The following ACD variants were observed in gnomAD, a reference collection of about 807,000 sequenced individuals.
ACD encodes ACD shelterin complex subunit and telomerase recruitment factor, also known as adrenocortical dysplasia protein homolog.
ACD carries 39 observed loss-of-function variants against 53.9 expected under a neutral mutation model. The ratio of observed to expected loss-of-function variants is 0.72; its 90% CI spans 0.56 to 0.95. The LOEUF (loss-of-function observed/expected upper bound fraction) is 0.95. ACD is among the 40% of genes least tolerant of loss of function. The pLI is 0.00. For synonymous variants in ACD, 273 were observed against 249.2 expected (o/e 1.10, Z -0.90); for missense variants, 526 against 587.9 (o/e 0.89, Z 1.09).
In ACD at chr16:67,659,357, G is replaced by A; in HGVS notation, c.458+18C>T. ...TCACCAAACAACACGTGGCCCCCGA[G>A]CCCAACCCCAGACTCACTCAAGGCA... On this transcript the variant is annotated intron_variant, in intron 5 of 11. Coordinates refer to ENST00000620761, the MANE Select transcript of ACD (RefSeq NM_001082486.2). 2 of 1,614,068 alleles carry A rather than the reference G, an allele frequency of 1.2e-6. No individual in the cohort carries two copies. Among genetic ancestry groups the A allele is most frequent in the Non-Finnish European group, 8.5e-7 (1 of 1,180,016 alleles).
rs780842633 is a variant in ACD, at chr16:67,659,336, C to T, written c.458+39G>A. 6.8e-6 allele frequency: 11 copies of T among 1,613,952 alleles called. No homozygotes were observed. The African/African-American group carries it at 1.1e-4, about 16-fold the overall frequency. Reference sequence around the variant, plus strand: ...CTACCTAGATACACCATCCCCTCACCAAACAACACGTGGCCCCCGAGCCCA... The same window carrying T: ...CTACCTAGATACACCATCCCCTCACTAAACAACACGTGGCCCCCGAGCCCA... On this transcript the variant is annotated intron_variant, in intron 5 of 11. Transcript: ENST00000620761.
rs1257437432 is a variant in ACD at position 67,659,406 on chromosome 16, C to A, written c.427G>T (p.Asp143Tyr). 9.3e-6 allele frequency: 15 copies of A among 1,613,962 alleles called. No homozygotes were observed. The highest frequency in any genetic ancestry group is 1.3e-5 in the Non-Finnish European group (15 of 1,180,032). ...CAGTCATAGAGCTTTTTCTGAACAT[C>A]TAAGTCTTGGTTGCTAAGAAAAAGA... ...LRVPGCNQDL[D>Y]VQKKLYDCLE... The change falls in exon 5 of 12, where the codon GAT becomes TAT. Residue 143 changes from aspartate (D) to tyrosine (Y), a missense_variant. Physicochemically the swap from Asp to Tyr is radical, Grantham distance 160. Transcript: ENST00000620761.
At chr16:67,658,687 AG>A in intron 8 of ACD, 32 bp downstream of exon 8, 2 of 1,595,062 alleles carry the variant, frequency 1.3e-6, no homozygotes, top group Non-Finnish European at 1.7e-6. Flanking sequence ...CCTGGGCCCC[AG>A]GTATCCCCCC....
Position 67,657,855 on chromosome 16 carries a change from T to C in ACD, c.1207-2A>G. The C allele has an allele frequency of 6.2e-7, 1 of 1,614,004 alleles. No individual in the cohort carries two copies. Among genetic ancestry groups the C allele is most frequent in the Non-Finnish European group, 8.5e-7 (1 of 1,180,008 alleles). On this transcript the variant is annotated splice_acceptor_variant, in intron 10 of 11. Coordinates refer to ENST00000620761, the MANE Select transcript of ACD (RefSeq NM_001082486.2). LOFTEE classifies it high-confidence loss of function. The surrounding 1 kb of genome is among the most constrained non-coding windows in gnomAD (Gnocchi z 4.5). ...ATCACGATGCCTCTTTGGGGGTTCC[T>C]GAAAGGGGTATGGTGTCTGGGGAAG...
rs1368703801 is a variant in ACD at position 67,659,519 on chromosome 16, G to C, written c.413+18C>G. On this transcript the variant is annotated intron_variant, in intron 4 of 11. Coordinates refer to ENST00000620761, the MANE Select transcript of ACD (RefSeq NM_001082486.2). ...GCTGGGGTGGGGAGAGCTGCTGGAGGGCGGAGGCATCACTTACCAACCAGG... is the reference window on the plus strand; with the variant it reads ...GCTGGGGTGGGGAGAGCTGCTGGAGCGCGGAGGCATCACTTACCAACCAGG... The C allele has an allele frequency of 3.7e-6, 6 of 1,613,238 alleles. No individual in the cohort carries two copies. Among genetic ancestry groups the C allele is most frequent in the Non-Finnish European group, 5.1e-6 (6 of 1,179,438 alleles).
In ACD at chr16:67,659,987, T is replaced by C; in HGVS notation, c.158A>G (p.Asp53Gly). The change falls in exon 2 of 12, where the codon GAC becomes GGC. Residue 53 changes from aspartate (D) to glycine (G), a missense_variant. By Grantham distance (94) the Asp-to-Gly change is moderately conservative. Transcript: ENST00000620761. Reference sequence around the variant, plus strand: ...AGACACAAGCAGCGTGGCCCCGACGTCGGACGTATCAGGGGCGTGGGATGG... The same window carrying C: ...AGACACAAGCAGCGTGGCCCCGACGCCGGACGTATCAGGGGCGTGGGATGG... ...AGPSHAPDTS[D>G]VGATLLVSDG... 1 of 1,609,044 alleles carries C rather than the reference T, an allele frequency of 6.2e-7. No homozygotes were observed. Among genetic ancestry groups the C allele is most frequent in the Non-Finnish European group, 8.5e-7 (1 of 1,178,982 alleles).
At position 67,657,896 on chromosome 16, in the gene ACD, C is replaced by T. The variant is rs1209338491; in HGVS notation, c.1207-43G>A. 3 of 1,613,286 alleles carry T rather than the reference C, an allele frequency of 1.9e-6. No homozygotes were observed. Among genetic ancestry groups the T allele is most frequent in the Non-Finnish European group, 2.5e-6 (3 of 1,179,648 alleles). ...TCTGGGGAAGAGCTAACAAGGACCC[C>T]AACCCCATCCAAGGCTACCCATGCT... On this transcript the variant is annotated intron_variant, in intron 10 of 11. Coordinates refer to ENST00000620761, the MANE Select transcript of ACD (RefSeq NM_001082486.2). This position sits in a 1 kb window ranked among gnomAD's most constrained non-coding sequence, Gnocchi z 4.5.
At position 67,659,708 on chromosome 16, in the gene ACD, G is replaced by T. The variant is rs1214995325; in HGVS notation, c.330C>A (p.Gly110=). ...AGGCAGTCTCACCACTCACCGCGCC[G>T]CCCTCAGCGACCTGGACATGAACCC... ...DCGVHVQVAE[G]GAPAEFYLQV... is the part of the protein sequence containing the mutation. Residue 110 remains glycine, a synonymous_variant, in exon 3 of 12, where the codon GGC becomes GGA. Transcript: ENST00000620761. The T allele has an allele frequency of 6.2e-6, 10 of 1,613,178 alleles. 1 individual carries two copies. In the African/African-American group the frequency reaches 6.7e-5, roughly 11 times the overall value.
chr16:67,660,069 T>C (rs761136320), intron 1 of ACD, 24 bp from the exon 2 acceptor site: 1 of 1,609,736 alleles, frequency 6.2e-7, no homozygotes, highest in East Asian at 2.2e-5. Flanking sequence ...GCGGCGTCAA[T>C]CCCACCACCC....
chr16:67,660,111 T>TGG lies in ACD; in HGVS notation c.99+9_99+10dup. The TGG allele has an allele frequency of 8.1e-6, 13 of 1,612,356 alleles. No individual in the cohort carries two copies. Among genetic ancestry groups the TGG allele is most frequent in the Non-Finnish European group, 1.1e-5 (13 of 1,179,830 alleles). ...TCCGCCTCGGTCTCCGGGCCCTGAA[T>TGG]GGGGGCTCACCTCAAGCAGCTGCCC... On this transcript the variant is annotated intron_variant, in intron 1 of 11. Coordinates refer to ENST00000620761, the MANE Select transcript of ACD (RefSeq NM_001082486.2).
At position 67,658,494 on chromosome 16, in the gene ACD, G is replaced by A. The variant is rs182765627; in HGVS notation, c.829+61C>T. Reference sequence around the variant, plus strand: ...CCGTGCACCTTTCACAGCATCCTGCGCAGCCCGGGAACCTGACTGACAGGC... The same window carrying A: ...CCGTGCACCTTTCACAGCATCCTGCACAGCCCGGGAACCTGACTGACAGGC... On this transcript the variant is annotated intron_variant, in intron 9 of 11. Coordinates refer to ENST00000620761, the MANE Select transcript of ACD (RefSeq NM_001082486.2). 1,309 of 1,576,856 alleles carry A rather than the reference G, an allele frequency of 8.3e-4. 7 individuals are homozygous for A. In the African/African-American group the frequency reaches 0.016, roughly 19 times the overall value.
At chr16:67,660,094 G>T in intron 1 of ACD, 28 bp downstream of exon 1, 1 of 1,611,696 alleles carries the variant, frequency 6.2e-7, no homozygotes, top group Non-Finnish European at 8.5e-7. Context: ...CCTCCGCCTC[G>T]GTCTCCGGGC....
chr16:67,657,802 G>A lies in ACD; in HGVS notation c.1258C>T (p.Pro420Ser). 6.2e-7 allele frequency: 1 copy of A among 1,614,102 alleles called. No homozygotes were observed. The highest frequency in any genetic ancestry group is 8.5e-7 in the Non-Finnish European group (1 of 1,180,036). Residue 420 changes from proline (P) to serine (S), a missense_variant, in exon 11 of 12, where the codon CCA (proline) becomes TCA (serine). Pro to Ser is a moderately conservative substitution (Grantham distance 74, BLOSUM62 -1). Coordinates refer to ENST00000620761, the MANE Select transcript of ACD (RefSeq NM_001082486.2). This position sits in a 1 kb window ranked among gnomAD's most constrained non-coding sequence, Gnocchi z 4.5. ...DGSAFQYEYE[P>S]PCTSLCARVQ... The stretch of plus-strand genomic sequence containing the variant: ...CGAGCACAGAGGGACGTGCAGGGTG[G>A]CTCATACTCATACTGGAAGGCAGAA...
intron 5 of ACD, 51 bp from the exon 6 acceptor site, chr16:67,659,314 C>G (rs376240019): frequency 4.1e-4 from 660 of 1,613,970 alleles, no homozygotes; most frequent in Non-Finnish European, 4.8e-4. Context: ...GGCCTGTCTA[C>G]CTAGATACAC....
chr16:67,658,117 G>A lies in ACD; in HGVS notation c.1075C>T (p.Gln359Ter), dbSNP rs1311933383. 2 of 1,592,034 alleles carry A rather than the reference G, an allele frequency of 1.3e-6. No individual in the cohort carries two copies. The highest frequency in any genetic ancestry group is 1.7e-6 in the Non-Finnish European group (2 of 1,168,216). ...SPRSHVPSPH[Q>*]ALVTRPQKPS... The stretch of plus-strand genomic sequence containing the variant: ...TTCTGGGGCCTGGTCACAAGAGCCT[G>A]GTGTGGACTGGGGACATGGCTACGG... The change falls in exon 10 of 12, where the codon CAG (glutamine) becomes TAG (stop). Residue 359 changes from glutamine (Q) to a stop codon, truncating the protein, a stop_gained. Transcript: ENST00000620761. LOFTEE classifies it high-confidence loss of function.
At chr16:67,659,681 C>T in intron 3 of ACD, 21 bp downstream of exon 3, 1 of 1,613,058 alleles carries the variant, frequency 6.2e-7, no homozygotes, top group Non-Finnish European at 8.5e-7. Flanking sequence ...GTAACCCGCC[C>T]AAGGCAGTCT....
At chr16:67,658,531 C>G in intron 9 of ACD, 24 bp downstream of exon 9, 7 of 1,568,648 alleles carry the variant, frequency 4.5e-6, no homozygotes, top group Non-Finnish European at 6.1e-6. Flanking sequence ...GCAGTGAGTG[C>G]CTGTGACCTG....
In ACD at chr16:67,657,582, G is replaced by C; in HGVS notation, c.*24C>G. On this transcript the variant is annotated 3_prime_UTR_variant, in exon 12 of 12. Transcript: ENST00000620761. This position sits in a 1 kb window ranked among gnomAD's most constrained non-coding sequence, Gnocchi z 4.5. ...AAACTCAAAGGAAGCAGAGTGTGGA[G>C]CGGTATCTGTCCTGCGTGACGTCTC... 1 of 1,614,128 alleles carries C rather than the reference G, an allele frequency of 6.2e-7. No individual in the cohort carries two copies. The highest frequency in any genetic ancestry group is 1.1e-5 in the South Asian group (1 of 91,086).
rs1463615796 is a variant in ACD, at chr16:67,660,248, C to A, written c.-28G>T. The stretch of plus-strand genomic sequence containing the variant: ...CCACGGCTACACCCAGCGGATGCAA[C>A]GGGCCCGGGTTTCCCGCGGGCGCCC... On this transcript the variant is annotated 5_prime_UTR_variant, in exon 1 of 12. Coordinates refer to ENST00000620761, the MANE Select transcript of ACD (RefSeq NM_001082486.2). 3 of 1,612,532 alleles carry A rather than the reference C, an allele frequency of 1.9e-6. No individual in the cohort carries two copies. The highest frequency in any genetic ancestry group is 1.1e-5 in the South Asian group (1 of 91,084).
Sources: gnomAD v4.1 joint callset for allele counts on GRCh38, gnomAD v4.1.1 for gene constraint, Gnocchi (gnomAD v3.1) non-coding constraint, MANE v1.5 for transcripts, NCBI Gene and HGNC (gene_info 2026-07-23, HGNC 2026-07-21) for gene names.